Variants in CEP350 observed in about 807,000 individuals in gnomAD.
The protein encoded by CEP350 is centrosomal protein 350, also known as centrosome-associated protein 350.
A neutral mutation model predicts 331.8 loss-of-function variants in CEP350; 126 were observed. That is an observed-to-expected ratio of 0.38 (90% CI 0.33 to 0.44). The LOEUF (loss-of-function observed/expected upper bound fraction) is 0.44. Ranked by LOEUF, CEP350 falls within the 20% of genes least tolerant of loss-of-function variation. CEP350 has a pLI of 1.00. For missense variants in CEP350, 3,406 were observed against 3,634.6 expected (o/e 0.94, Z 1.62); for synonymous variants, 1,200 against 1,259.5 (o/e 0.95, Z 1.00).
intron 11 of CEP350, among the ~76,000 whole-genome samples, chr1:180,018,810 A>G (rs1571874760): frequency 6.6e-6 from 1 of 150,848 alleles, no homozygotes; most frequent in East Asian, 1.9e-4. Context: ...TCCTAAAATA[A>G]TGGACAAGAC....
chr1:180,093,608 T>A lies in CEP350; in HGVS notation c.7503T>A (p.Asp2501Glu), dbSNP rs762249862. ...ADELFDFHIGDRVLIGNVQPG... is the reference protein window; with the variant it reads ...ADELFDFHIGERVLIGNVQPG... ...AGTTATTTGATTTCCACATTGGTGATAGGGTGTTGATTGGAAATGTTCAGC... is the reference window on the plus strand; with the variant it reads ...AGTTATTTGATTTCCACATTGGTGAAAGGGTGTTGATTGGAAATGTTCAGC... The change falls in exon 34 of 38, where the codon GAT becomes GAA. Residue 2501 changes from aspartate (D) to glutamate (E), a missense_variant. This residue lies in a region of CEP350 where 1,415 missense variants were observed against 1,512.3 expected (regional missense o/e 0.94). Coordinates refer to ENST00000367607, the MANE Select transcript of CEP350 (RefSeq NM_014810.5). 10 of 1,613,856 alleles carry A rather than the reference T, an allele frequency of 6.2e-6. No individual in the cohort carries two copies. In the South Asian group the frequency reaches 8.8e-5, roughly 14 times the overall value.
rs769408138 is a variant in CEP350 at position 180,078,685 on chromosome 1, G to A, written c.5979+11G>A. 1.1e-5 allele frequency: 18 copies of A among 1,575,738 alleles called. No individual in the cohort carries two copies. Among genetic ancestry groups the A allele is most frequent in the Non-Finnish European group, 1.6e-5 (18 of 1,160,062 alleles). On this transcript the variant is annotated intron_variant, in intron 29 of 37. Coordinates refer to ENST00000367607, the MANE Select transcript of CEP350 (RefSeq NM_014810.5). ...TCTCCTAGTAAACATGTAAGTTAAT[G>A]TATATTTATATCTTAAAGATTCTCT... is the stretch of plus-strand genomic sequence containing the variant.
intron 26 of CEP350, among the ~76,000 whole-genome samples, chr1:180,063,510 T>C (rs1395306624): frequency 2.6e-5 from 4 of 151,974 alleles, no homozygotes; most frequent in Non-Finnish European, 5.9e-5. Context: ...TCTAAGGTAC[T>C]ATAAAATGTC....
chr1:180,019,843 C>A, intron 11 of CEP350, 106 bp from the exon 12 acceptor site: 1 of 890,214 alleles, frequency 1.1e-6, no homozygotes, highest in Non-Finnish European at 1.6e-6. Context: ...TTTATCTGTC[C>A]TTTTTTTGTT....
intron 4 of CEP350, 30 bp downstream of exon 4, chr1:179,990,651 C>A: frequency 8.8e-7 from 1 of 1,139,032 alleles, no homozygotes; most frequent in Non-Finnish European, 1.3e-6. Flanking sequence ...CAAATATATA[C>A]ATATATTAAA....
intron 19 of CEP350, among the ~76,000 whole-genome samples, chr1:180,042,059 C>T (rs1466427859): frequency 6.6e-6 from 1 of 150,958 alleles, no homozygotes; most frequent in Non-Finnish European, 1.5e-5. Flanking sequence ...AGAAAAATAT[C>T]AACTTTATTG....
In CEP350 at chr1:180,015,990, A is replaced by G. The variant is rs771518547; in HGVS notation, c.2174+20A>G. On this transcript the variant is annotated intron_variant, in intron 11 of 37. Coordinates refer to ENST00000367607, the MANE Select transcript of CEP350 (RefSeq NM_014810.5). ...TGCAAGGTAAAAAGGGAAGAATGAAAGATGATTAAGATTCTTTTCATGAAA... is the reference window on the plus strand; with the variant it reads ...TGCAAGGTAAAAAGGGAAGAATGAAGGATGATTAAGATTCTTTTCATGAAA... The G allele has an allele frequency of 6.2e-7, 1 of 1,611,374 alleles. No individual in the cohort carries two copies. Among genetic ancestry groups the G allele is most frequent in the East Asian group, 2.2e-5 (1 of 44,852 alleles).
At chr1:180,036,525 A>G (rs1049432252) in intron 16 of CEP350, among the ~76,000 whole-genome samples, 3 of 152,238 alleles carry the variant, frequency 2.0e-5, no homozygotes, top group East Asian at 1.9e-4. Context: ...GTAGCTATCA[A>G]CATTGAGGTA....
chr1:179,977,762 G>A (rs1021394205), intron 1 of CEP350, among the ~76,000 whole-genome samples: 1 of 151,894 alleles, frequency 6.6e-6, no homozygotes, highest in African/African-American at 2.4e-5. Flanking sequence ...TATAACCTTA[G>A]TTTACTGTAA....
At chr1:180,047,586 A>G (rs914668033) in intron 21 of CEP350, among the ~76,000 whole-genome samples, 91 of 151,780 alleles carry the variant, frequency 6.0e-4, no homozygotes, top group African/African-American at 2.2e-3. Context: ...GCGAAGCCCC[A>G]TCTCTACTAA....
In CEP350 at chr1:180,093,290, T is replaced by A; in HGVS notation, c.7185T>A (p.Asp2395Glu). The A allele has an allele frequency of 1.3e-6, 2 of 1,598,428 alleles. No individual in the cohort carries two copies. Among genetic ancestry groups the A allele is most frequent in the Non-Finnish European group, 1.7e-6 (2 of 1,171,714 alleles). Residue 2395 changes from aspartate (D) to glutamate (E), a missense_variant, in exon 34 of 38, where the codon GAT becomes GAA. Transcript: ENST00000367607. ...KKEISAELYKDDFEVSSLLSL... is the reference protein window; with the variant it reads ...KKEISAELYKEDFEVSSLLSL... ...AAATTTCAGCTGAATTGTACAAAGA[T>A]GATTTTGAGGTGTCATCTTTGCTGT...
chr1:179,991,429 G>A (rs1295364142), intron 4 of CEP350, among the ~76,000 whole-genome samples: 1 of 146,588 alleles, frequency 6.8e-6, no homozygotes, highest in Non-Finnish European at 1.5e-5. Context: ...CGATTCTCCT[G>A]AGTAGCCGCG....
rs572423186 is a variant in CEP350 at position 180,069,479 on chromosome 1, T to C, written c.5567+4207T>C. Among the ~76,000 whole-genome samples, 27 of 152,288 alleles carry C rather than the reference T, an allele frequency of 1.8e-4. No homozygotes were observed. In the South Asian group the frequency reaches 4.4e-3, roughly 25 times the overall value. ...TAATGTTAAATAGCATTGCCTCAAA[T>C]TGAATAGAAATTTCTTAGACAACAT... On this transcript the variant is annotated intron_variant, in intron 27 of 37. Transcript: ENST00000367607.
chr1:180,056,991 G>A (rs1463541966), intron 25 of CEP350, among the ~76,000 whole-genome samples: 1 of 151,958 alleles, frequency 6.6e-6, no homozygotes, highest in Admixed American at 6.6e-5. Flanking sequence ...AGTCTATCCA[G>A]TGAGTTCTTA....
At chr1:180,026,887 T>C (rs529716568) in intron 14 of CEP350, among the ~76,000 whole-genome samples, 1 of 152,358 alleles carries the variant, frequency 6.6e-6, no homozygotes, top group African/African-American at 2.4e-5. Context: ...GACATTTTGG[T>C]ATTTTCCACC....
chr1:179,993,310 A>C (rs1455895786), intron 5 of CEP350, among the ~76,000 whole-genome samples: 1 of 152,230 alleles, frequency 6.6e-6, no homozygotes, highest in Non-Finnish European at 1.5e-5. Flanking sequence ...GATATTAAGC[A>C]GCTTGCCTAG....
intron 22 of CEP350, among the ~76,000 whole-genome samples, chr1:180,051,858 C>T (rs181886691): frequency 4.2e-4 from 64 of 152,164 alleles, no homozygotes; most frequent in African/African-American, 1.5e-3. Context: ...TAGTTTTTCA[C>T]AGGGGTACAG....
rs569766761 is a variant in CEP350 at position 180,057,530 on chromosome 1, A to T, written c.5262+3028A>T. ...TTGTCTGTTTTCTTTTTTTTTTTTTAAACTATCGTATGGCCCCTTTTCTTT... is the reference window on the plus strand; with the variant it reads ...TTGTCTGTTTTCTTTTTTTTTTTTTTAACTATCGTATGGCCCCTTTTCTTT... On this transcript the variant is annotated intron_variant, in intron 25 of 37. Transcript: ENST00000367607. Among the ~76,000 whole-genome samples the T allele has an allele frequency of 7.8e-3, 1,157 of 148,432 alleles. 5 individuals carry two copies. The highest frequency in any genetic ancestry group is 0.01 in the Non-Finnish European group (685 of 67,104).
At chr1:180,002,615 C>A (rs1653942076) in intron 6 of CEP350, among the ~76,000 whole-genome samples, 1 of 151,954 alleles carries the variant, frequency 6.6e-6, no homozygotes, top group Admixed American at 6.6e-5. Context: ...ATATAATACC[C>A]AAGGGAATTT....
Sources: gnomAD v4.1 joint callset for allele counts (sites outside exome capture counted in the v4.1 genomes callset) on GRCh38, gnomAD v4.1.1 for gene constraint, gnomAD v4.1.1 regional missense constraint, MANE v1.5 for transcripts, NCBI Gene and HGNC (gene_info 2026-07-23, HGNC 2026-07-21) for gene names.